ENO2: variants seen among roughly 807,000 people sequenced by gnomAD.
ENO2 encodes the protein enolase 2, also known as gamma-enolase.
In ENO2, 19 loss-of-function variants were observed where a neutral mutation model predicts 48.7. That is an observed-to-expected ratio of 0.39 (90% CI 0.27 to 0.57). ENO2 has a LOEUF of 0.57. ENO2 is among the 20% of genes least tolerant of loss of function. The pLI is 0.58. For synonymous variants in ENO2, 198 were observed against 213.4 expected (o/e 0.93, Z 0.63); for missense variants, 416 against 555.0 (o/e 0.75, Z 2.52).
chr12:6,919,804 AG>A, intron 8 of ENO2, 41 bp downstream of exon 8: 1 of 1,602,720 alleles, frequency 6.2e-7, no homozygotes, highest in East Asian at 2.2e-5. Flanking sequence ...GGGGGCAGGC[AG>A]GGACGTGTCC....
Position 6,921,565 on chromosome 12 carries a change from C to T in ENO2, c.866-16C>T. 4 of 1,613,922 alleles carry T rather than the reference C, an allele frequency of 2.5e-6. No homozygotes were observed. The highest frequency in any genetic ancestry group is 1.3e-5 in the African/African-American group (1 of 75,000). ...AGATGAACACCTCCCCCCTCCCCAC[C>T]ATGCTCTCTCTGCAGTGGTCTCCAT... On this transcript the variant is annotated splice_polypyrimidine_tract_variant and intron_variant, in intron 8 of 11. Transcript: ENST00000229277.
Position 6,917,047 on chromosome 12 carries a change from G to C in ENO2, c.250G>C (p.Val84Leu). 1 of 1,614,190 alleles carries C rather than the reference G, an allele frequency of 6.2e-7. No individual in the cohort carries two copies. Among genetic ancestry groups the C allele is most frequent in the Non-Finnish European group, 8.5e-7 (1 of 1,180,040 alleles). The change falls in exon 5 of 12, where the codon GTG becomes CTG. Residue 84 changes from valine (V) to leucine (L), a missense_variant. Coordinates refer to ENST00000229277, the MANE Select transcript of ENO2 (RefSeq NM_001975.3). Reference sequence around the variant, plus strand: ...GAGGCTCTGCCCTCAGGGTCTCTCTGTGGTGGAGCAAGAGAAACTGGACAA... The same window carrying C: ...GAGGCTCTGCCCTCAGGGTCTCTCTCTGGTGGAGCAAGAGAAACTGGACAA... ...APALISSGLS[V>L]VEQEKLDNLM...
Position 6,923,436 on chromosome 12 carries a change from G to A in ENO2, c.*636G>A, listed in dbSNP as rs1240057057. ...AGATCCCAAGATGACTGGGGTGGGA[G>A]GTCTTGCTAGAATGGGAAGGGTCAT... On this transcript the variant is annotated 3_prime_UTR_variant, in exon 12 of 12. Coordinates refer to ENST00000229277, the MANE Select transcript of ENO2 (RefSeq NM_001975.3). 1.3e-5 allele frequency: 2 copies of A among 152,290 alleles called. No homozygotes were observed. Among genetic ancestry groups the A allele is most frequent in the Admixed American group, 1.3e-4 (2 of 15,284 alleles). 9.4% of individuals were successfully genotyped at this position (152,290 alleles called of 1,614,324 possible).
At position 6,916,630 on chromosome 12, in the gene ENO2, C is replaced by T; in HGVS notation, c.182-41C>T. 1.9e-6 allele frequency: 3 copies of T among 1,613,540 alleles called. No homozygotes were observed. The highest frequency in any genetic ancestry group is 2.2e-5 in the South Asian group (2 of 91,056). On this transcript the variant is annotated intron_variant, in intron 3 of 11. Coordinates refer to ENST00000229277, the MANE Select transcript of ENO2 (RefSeq NM_001975.3). The surrounding 1 kb of genome is among the most constrained non-coding windows in gnomAD (Gnocchi z 4.5). Reference sequence around the variant, plus strand: ...CCTCCTCCCATTGATCCCTTCCGGCCCCTCCTGGCCCGACCCAGTCCAGCC... The same window carrying T: ...CCTCCTCCCATTGATCCCTTCCGGCTCCTCCTGGCCCGACCCAGTCCAGCC...
chr12:6,916,756 G>A lies in ENO2; in HGVS notation c.240+27G>A, dbSNP rs782632638. 6 of 1,613,760 alleles carry A rather than the reference G, an allele frequency of 3.7e-6. No homozygotes were observed. The highest frequency in any genetic ancestry group is 5.1e-6 in the Non-Finnish European group (6 of 1,179,814). On this transcript the variant is annotated intron_variant, in intron 4 of 11. Coordinates refer to ENST00000229277, the MANE Select transcript of ENO2 (RefSeq NM_001975.3). The surrounding 1 kb of genome is among the most constrained non-coding windows in gnomAD (Gnocchi z 4.5). ...TGAGGCCTGCTCTTTGCTGGGGATA[G>A]CAGGGCCAGAGTTCTGGAAGGAATC...
In ENO2 at chr12:6,916,935, G is replaced by C. The variant is rs942386828; in HGVS notation, c.241-103G>C. 7.8e-6 allele frequency: 12 copies of C among 1,536,240 alleles called. No homozygotes were observed. In the South Asian group the frequency reaches 1.4e-4, roughly 17 times the overall value. On this transcript the variant is annotated intron_variant, in intron 4 of 11. Transcript: ENST00000229277. This position sits in a 1 kb window ranked among gnomAD's most constrained non-coding sequence, Gnocchi z 4.5. ...GGTAGGCCCCTGTCACAGGGACCTG[G>C]TTGGACCCTGGCCAAATGTGAGCTT...
rs781998148 is a variant in ENO2 at position 6,917,475 on chromosome 12, G to T, written c.311-106G>T. On this transcript the variant is annotated intron_variant, in intron 5 of 11. Coordinates refer to ENST00000229277, the MANE Select transcript of ENO2 (RefSeq NM_001975.3). ...TTGCTGGGGCAGGGGTGGGGAGGGAGGAGGGGGTCTCCTTTACTGGCTCCT... is the reference window on the plus strand; with the variant it reads ...TTGCTGGGGCAGGGGTGGGGAGGGATGAGGGGGTCTCCTTTACTGGCTCCT... The T allele has an allele frequency of 6.6e-5, 97 of 1,468,244 alleles. No homozygotes were observed. In the South Asian group the frequency reaches 1.2e-3, roughly 18 times the overall value. 91.0% of individuals were successfully genotyped at this position (1,468,244 alleles called of 1,614,324 possible).
Position 6,916,720 on chromosome 12 carries a change from C to T in ENO2, c.231C>T (p.Leu77=). 3 of 1,614,206 alleles carry T rather than the reference C, an allele frequency of 1.9e-6. No individual in the cohort carries two copies. The highest frequency in any genetic ancestry group is 2.5e-6 in the Non-Finnish European group (3 of 1,180,046). The change falls in exon 4 of 12, where the codon CTC becomes CTT. Residue 77 remains leucine (L), a synonymous_variant. Transcript: ENST00000229277. The surrounding 1 kb of genome is among the most constrained non-coding windows in gnomAD (Gnocchi z 4.5). The part of the protein sequence containing the change: ...DHINSTIAPA[L]ISSGLSVVEQ... ...TCAACTCCACCATCGCGCCAGCCCT[C>T]ATCAGCTCAGTGAGGCCTGCTCTTT...
Position 6,919,850 on chromosome 12 carries a change from G to GAC in ENO2, c.865+87_865+88insAC. ...TGGACCTTATGGGGTGCTGACTCAG[G>GAC]CACCAGGTGGGGGTGTCCTAAGAAG... On this transcript the variant is annotated intron_variant, in intron 8 of 11. Transcript: ENST00000229277. 3.5e-6 allele frequency: 5 copies of GAC among 1,436,488 alleles called. No individual in the cohort carries two copies. The South Asian group carries it at 6.2e-5, about 18-fold the overall frequency. 89.0% of individuals were successfully genotyped at this position (1,436,488 alleles called of 1,614,324 possible). A position where few individuals can be genotyped will look rare whatever the true frequency, so the allele number is the denominator to read the frequency against.
Position 6,917,971 on chromosome 12 carries a change from C to A in ENO2, c.476C>A (p.Ala159Asp). The A allele has an allele frequency of 1.2e-6, 2 of 1,614,186 alleles. No individual in the cohort carries two copies. The highest frequency in any genetic ancestry group is 1.7e-6 in the Non-Finnish European group (2 of 1,180,036). The change falls in exon 7 of 12, where the codon GCT becomes GAT. Residue 159 changes from alanine to aspartate, a missense_variant. Coordinates refer to ENST00000229277, the MANE Select transcript of ENO2 (RefSeq NM_001975.3). ...AFNVINGGSH[A>D]GNKLAMQEFM... ...AACGTGATCAATGGTGGCTCTCATG[C>A]TGGCAACAAGCTGGCCATGCAGGAG...
chr12:6,917,312 T>C, intron 5 of ENO2: 1 of 717,750 alleles, frequency 1.4e-6, no homozygotes, highest in Non-Finnish European at 2.3e-6. Flanking sequence ...CTTTGCAGCA[T>C]ACAGAGGAGG....
rs782736236 is a variant in ENO2, at chr12:6,921,649, G to A, written c.934G>A (p.Gly312Arg). ...CTGGTCCAAGTTCACAGCCAATGTA[G>A]GGATCCAGATTGTGGGTGATGACCT... ...AAWSKFTANVGIQIVGDDLTV... is the reference protein window; with the variant it reads ...AAWSKFTANVRIQIVGDDLTV... The change falls in exon 9 of 12, where the codon GGG becomes AGG. Residue 312 changes from glycine (G) to arginine (R), a missense_variant. By Grantham distance (125) the Gly-to-Arg change is moderately radical. Transcript: ENST00000229277. The A allele has an allele frequency of 1.2e-6, 2 of 1,614,090 alleles. No individual in the cohort carries two copies. Among genetic ancestry groups the A allele is most frequent in the Non-Finnish European group, 1.7e-6 (2 of 1,180,024 alleles).
In ENO2 at chr12:6,917,000, T is replaced by A; in HGVS notation, c.241-38T>A. The stretch of plus-strand genomic sequence containing the variant: ...GGACCCTCTGCCTTAGGGCTCAGCC[T>A]CCAGCCTGGCCCTGGGTGATGGAGG... On this transcript the variant is annotated intron_variant, in intron 4 of 11. Coordinates refer to ENST00000229277, the MANE Select transcript of ENO2 (RefSeq NM_001975.3). This position sits in a 1 kb window ranked among gnomAD's most constrained non-coding sequence, Gnocchi z 4.5. 6.2e-7 allele frequency: 1 copy of A among 1,613,176 alleles called. No individual in the cohort carries two copies. The highest frequency in any genetic ancestry group is 1.1e-5 in the South Asian group (1 of 91,054).
chr12:6,921,688 C>A lies in ENO2; in HGVS notation c.973C>A (p.Pro325Thr). Residue 325 changes from proline (P) to threonine (T), a missense_variant, in exon 9 of 12, where the codon CCA becomes ACA. Physicochemically the swap from Pro to Thr is conservative, Grantham distance 38. Coordinates refer to ENST00000229277, the MANE Select transcript of ENO2 (RefSeq NM_001975.3). Reference sequence around the variant, plus strand: ...GGGTGATGACCTGACAGTGACCAACCCAAAACGTATTGAGCGGGCAGTGGA... The same window carrying A: ...GGGTGATGACCTGACAGTGACCAACACAAAACGTATTGAGCGGGCAGTGGA... ...IVGDDLTVTN[P>T]KRIERAVEEK... 6.2e-7 allele frequency: 1 copy of A among 1,614,136 alleles called. No homozygotes were observed. Among genetic ancestry groups the A allele is most frequent in the East Asian group, 2.2e-5 (1 of 44,872 alleles).
chr12:6,917,434 G>A (rs1300737557), intron 5 of ENO2, 147 bp from the exon 6 acceptor site: 51 of 1,120,728 alleles, frequency 4.6e-5, no homozygotes, highest in Non-Finnish European at 6.0e-5. Flanking sequence ...GTTTTCAAGA[G>A]AGCATGGATG....
intron 8 of ENO2, among the ~76,000 whole-genome samples, chr12:6,920,091 G>T (rs1945326899): frequency 6.6e-6 from 1 of 152,128 alleles, no homozygotes; most frequent in Admixed American, 6.5e-5. Context: ...GAACATTTCA[G>T]TATCTTTGAT....
Position 6,922,366 on chromosome 12 carries a change from G to A in ENO2, c.1199G>A (p.Arg400His), listed in dbSNP as rs782153369. The A allele has an allele frequency of 2.6e-5, 42 of 1,614,080 alleles. No homozygotes were observed. Among genetic ancestry groups the A allele is most frequent in the East Asian group, 4.5e-5 (2 of 44,892 alleles). The change falls in exon 11 of 12, where the codon CGT (arginine) becomes CAT (histidine). Residue 400 changes from arginine to histidine, a missense_variant. Arg to His is a conservative substitution (Grantham distance 29). Transcript: ENST00000229277. This position sits in a 1 kb window ranked among gnomAD's most constrained non-coding sequence, Gnocchi z 5.3. ...TGQIKTGAPCRSERLAKYNQL... is the reference protein window; with the variant it reads ...TGQIKTGAPCHSERLAKYNQL... ...CAGATCAAGACTGGTGCCCCGTGCC[G>A]TTCTGAACGTCTGGCTAAATACAAC...
intron 7 of ENO2, among the ~76,000 whole-genome samples, chr12:6,918,919 T>C (rs1591652623): frequency 6.8e-6 from 1 of 146,670 alleles, no homozygotes; most frequent in East Asian, 2.1e-4. Flanking sequence ...GAGGCGGAGG[T>C]TGTGGTGAGC....
At chr12:6,915,278 T>C (rs1555141448) in intron 1 of ENO2, 3 of 161,860 alleles carry the variant, frequency 1.9e-5, no homozygotes, top group Non-Finnish European at 4.1e-5. Flanking sequence ...GACACCTGTA[T>C]TGCATGCGCC....
Sources: gnomAD v4.1 joint callset for allele counts (sites outside exome capture counted in the v4.1 genomes callset) on GRCh38, gnomAD v4.1.1 for gene constraint, Gnocchi (gnomAD v3.1) non-coding constraint, MANE v1.5 for transcripts, NCBI Gene and HGNC (gene_info 2026-07-23, HGNC 2026-07-21) for gene names.